Variants in ANKH observed in about 807,000 individuals in gnomAD.
ANKH encodes the protein ANKH inorganic pyrophosphate transport regulator.
Under a neutral mutation model 49.0 loss-of-function variants are expected in ANKH, and 15 were observed. The observed-to-expected ratio is 0.31, with a 90% CI of 0.20 to 0.47. The LOEUF is 0.47. Ranked by LOEUF, ANKH falls within the 20% of genes least tolerant of loss-of-function variation. The pLI is 1.00. For synonymous variants in ANKH, 273 were observed against 260.0 expected (o/e 1.05, Z -0.48); for missense variants, 429 against 652.0 (o/e 0.66, Z 3.72).
Position 14,737,396 on chromosome 5 carries a change from A to AG in ANKH, c.1011+4430dup, listed in dbSNP as rs1304889532. ...CAGCTGCCTTCCCCACGTAAGAGGA[A>AG]GGACTGTGGTGCCTGCTCCTCTCTT... On this transcript the variant is annotated intron_variant, in intron 8 of 11. Transcript: ENST00000284268. This position sits in a 1 kb window ranked among gnomAD's most constrained non-coding sequence, Gnocchi z 5.0. Among the ~76,000 whole-genome samples, 1 of 152,216 alleles carries AG rather than the reference A, an allele frequency of 6.6e-6. No homozygotes were observed. The highest frequency in any genetic ancestry group is 2.4e-5 in the African/African-American group (1 of 41,462).
At chr5:14,763,109 C>A (rs1698728065) in intron 2 of ANKH, among the ~76,000 whole-genome samples, 1 of 152,192 alleles carries the variant, frequency 6.6e-6, no homozygotes, top group South Asian at 2.1e-4. Flanking sequence ...CCTGTTCATC[C>A]AGGAGCTGTT....
chr5:14,733,550 C>A (rs1022707017), intron 8 of ANKH, among the ~76,000 whole-genome samples: 6 of 152,178 alleles, frequency 3.9e-5, no homozygotes, highest in African/African-American at 1.4e-4. Context: ...TGATATGTTA[C>A]TTCATTAAAC....
At position 14,711,072 on chromosome 5, in the gene ANKH, A is replaced by G. The variant is rs1737165283; in HGVS notation, c.*125T>C. 1.2e-6 allele frequency: 1 copy of G among 842,458 alleles called. No homozygotes were observed. The highest frequency in any genetic ancestry group is 1.7e-5 in the African/African-American group (1 of 60,504). 52.2% of individuals were successfully genotyped at this position (842,458 alleles called of 1,614,324 possible). On this transcript the variant is annotated 3_prime_UTR_variant, in exon 12 of 12. Transcript: ENST00000284268. ...AGAATTGACACGAAACCTTTAAATC[A>G]AGGCCTCTTTCATTACCAAAACAAA...
chr5:14,711,752 C>T (rs573841238), intron 11 of ANKH, among the ~76,000 whole-genome samples: 4 of 152,326 alleles, frequency 2.6e-5, no homozygotes, highest in African/African-American at 7.2e-5. Context: ...CCAGGCTTGC[C>T]GTCATTCTCT....
intron 1 of ANKH, among the ~76,000 whole-genome samples, chr5:14,830,634 T>C (rs572599910): frequency 6.6e-6 from 1 of 151,910 alleles, no homozygotes; most frequent in Non-Finnish European, 1.5e-5. Context: ...TGAAAGAGAA[T>C]AACAGCAAGT....
intron 1 of ANKH, among the ~76,000 whole-genome samples, chr5:14,846,601 G>A (rs1741966758): frequency 6.6e-6 from 1 of 152,158 alleles, no homozygotes; most frequent in South Asian, 2.1e-4. Flanking sequence ...ACTGTCTCTT[G>A]GGCTGTTTCT....
intron 1 of ANKH, among the ~76,000 whole-genome samples, chr5:14,816,739 A>G (rs1320750534): frequency 6.6e-6 from 1 of 152,202 alleles, no homozygotes; most frequent in Admixed American, 6.5e-5. Context: ...TCTGGCACCA[A>G]GAAAAGCTTC....
chr5:14,763,677 G>T (rs258360), intron 2 of ANKH, among the ~76,000 whole-genome samples: 31,038 of 152,226 alleles, frequency 0.2, 3,331 homozygotes, highest in Middle Eastern at 0.33. Context: ...GGGTTCAGAA[G>T]AATTTATTGC....
chr5:14,730,278 T>C (rs550353032), intron 8 of ANKH, among the ~76,000 whole-genome samples: 1 of 152,196 alleles, frequency 6.6e-6, no homozygotes, highest in Non-Finnish European at 1.5e-5. Flanking sequence ...GATCCTGGGC[T>C]GCTGACAAAG....
chr5:14,713,640 C>T lies in ANKH; in HGVS notation c.1169G>A (p.Trp390Ter). ...GAAGGTTTTCTTCAGTGTCATCAGCCACCCGGTGAGATGCGCCCTCACTGT... is the reference window on the plus strand; with the variant it reads ...GAAGGTTTTCTTCAGTGTCATCAGCTACCCGGTGAGATGCGCCCTCACTGT... ...PVTVRAHLTG[W>*]LMTLKKTFVL... The change falls in exon 10 of 12, where the codon TGG becomes TAG. Residue 390 changes from tryptophan to a stop codon, truncating the protein, a stop_gained. Transcript: ENST00000284268. LOFTEE classifies it high-confidence loss of function. This position sits in a 1 kb window ranked among gnomAD's most constrained non-coding sequence, Gnocchi z 4.4. 1 of 1,614,180 alleles carries T rather than the reference C, an allele frequency of 6.2e-7. No homozygotes were observed. Among genetic ancestry groups the T allele is most frequent in the Non-Finnish European group, 8.5e-7 (1 of 1,180,034 alleles).
At chr5:14,809,382 GA>G (rs574754567) in intron 1 of ANKH, among the ~76,000 whole-genome samples, 6 of 140,194 alleles carry the variant, frequency 4.3e-5, no homozygotes, top group Admixed American at 2.8e-4. Context: ...TGGAAATAAG[GA>G]AAAAAAAATA....
In ANKH at chr5:14,770,981, A is replaced by C. The variant is rs1739411503; in HGVS notation, c.97-1790T>G. On this transcript the variant is annotated intron_variant, in intron 1 of 11. Transcript: ENST00000284268. The surrounding 1 kb of genome is among the most constrained non-coding windows in gnomAD (Gnocchi z 4.1). Reference sequence around the variant, plus strand: ...CTCTGCTATGTAAACTGAAAGAAGAAATGAAAGAAATGCACTTTTCCTGTC... The same window carrying C: ...CTCTGCTATGTAAACTGAAAGAAGACATGAAAGAAATGCACTTTTCCTGTC... Among the ~76,000 whole-genome samples, 1 of 152,234 alleles carries C rather than the reference A, an allele frequency of 6.6e-6. No homozygotes were observed. Among genetic ancestry groups the C allele is most frequent in the South Asian group, 2.1e-4 (1 of 4,828 alleles).
intron 1 of ANKH, among the ~76,000 whole-genome samples, chr5:14,842,250 T>C (rs1473691155): frequency 6.6e-6 from 1 of 152,180 alleles, no homozygotes; most frequent in Non-Finnish European, 1.5e-5. Flanking sequence ...CTTACTTGGC[T>C]GAGTGCCTTG....
chr5:14,711,250 G>T lies in ANKH; in HGVS notation c.1426C>A (p.Pro476Thr). The change falls in exon 12 of 12, where the codon CCT (proline) becomes ACT (threonine). Residue 476 changes from proline (P) to threonine (T), a missense_variant. Around this residue, in one of 2 missense-constraint regions of ANKH, gnomAD observed 51 missense variants for 36.7 expected, o/e 1.39. Coordinates refer to ENST00000284268, the MANE Select transcript of ANKH (RefSeq NM_054027.6). The stretch of plus-strand genomic sequence containing the variant: ...ATGTCTGTCACCTCCTCTGTCGGAG[G>T]CATGTCTGTCATGGCAGAGTCTTCC... ...EGEDSAMTDM[P>T]PTEEVTDIVE... 1 of 1,614,024 alleles carries T rather than the reference G, an allele frequency of 6.2e-7. No individual in the cohort carries two copies. Among genetic ancestry groups the T allele is most frequent in the East Asian group, 2.2e-5 (1 of 44,850 alleles).
intron 1 of ANKH, among the ~76,000 whole-genome samples, chr5:14,777,702 G>A (rs902421891): frequency 1.3e-5 from 2 of 152,252 alleles, no homozygotes; most frequent in East Asian, 3.8e-4. Context: ...GTGGGAAGGA[G>A]TGCTGTGCCC....
chr5:14,753,323 G>A (rs1341086565), intron 4 of ANKH, among the ~76,000 whole-genome samples: 1 of 152,228 alleles, frequency 6.6e-6, no homozygotes, highest in Non-Finnish European at 1.5e-5. Flanking sequence ...TTTACAGTTC[G>A]ATTAGTTTAT....
At chr5:14,730,344 A>C (rs1334846064) in intron 8 of ANKH, among the ~76,000 whole-genome samples, 1 of 152,196 alleles carries the variant, frequency 6.6e-6, no homozygotes, top group East Asian at 1.9e-4. Flanking sequence ...ATTTTTTTTA[A>C]AGAAATTAAG....
chr5:14,709,311 T>C lies in ANKH; in HGVS notation c.*1886A>G, dbSNP rs1230319537. 3 of 152,060 alleles carry C rather than the reference T, an allele frequency of 2.0e-5. No individual in the cohort carries two copies. The highest frequency in any genetic ancestry group is 4.4e-5 in the Non-Finnish European group (3 of 68,008). The allele number at this position is 152,060 out of a possible 1,614,324, so 9.4% of individuals were successfully genotyped here. Reference sequence around the variant, plus strand: ...TTAAAAAAAGCTGATACATTGAGATTTTTTTTTAATCTTCTCAGATCTGCC... The same window carrying C: ...TTAAAAAAAGCTGATACATTGAGATCTTTTTTTAATCTTCTCAGATCTGCC... On this transcript the variant is annotated 3_prime_UTR_variant, in exon 12 of 12. Transcript: ENST00000284268.
chr5:14,844,499 C>T (rs1741901636), intron 1 of ANKH, among the ~76,000 whole-genome samples: 2 of 152,216 alleles, frequency 1.3e-5, no homozygotes, highest in African/African-American at 4.8e-5. Context: ...AGGCTTCAGC[C>T]TTGCTCTCAC....
Sources: allele counts gnomAD v4.1 joint callset (sites outside exome capture counted in the v4.1 genomes callset), GRCh38; gene constraint gnomAD v4.1.1; regional missense constraint gnomAD v4.1.1; non-coding constraint Gnocchi (gnomAD v3.1); transcripts MANE v1.5; gene names NCBI Gene and HGNC (gene_info 2026-07-23, HGNC 2026-07-21).